Variants in MAGI3 observed in about 807,000 individuals in gnomAD.
MAGI3 encodes membrane-associated guanylate kinase, WW and PDZ domain-containing protein 3.
A neutral mutation model predicts 121.8 loss-of-function variants in MAGI3; 43 were observed. The observed-to-expected ratio is 0.35, with a 90% CI of 0.28 to 0.46. MAGI3 has a LOEUF of 0.46. Among genes scored for constraint, MAGI3 ranks in the 20% least tolerant of loss-of-function variants. The pLI, the probability that MAGI3 is intolerant of heterozygous loss-of-function variation, is 1.00. For synonymous variants in MAGI3, 553 were observed against 639.3 expected, an observed-to-expected ratio of 0.86 and a Z score of 2.04; for missense variants, 1,547 against 1,797.3, an observed-to-expected ratio of 0.86 and a Z score of 2.52.
chr1:113,618,976 G>T (rs1650655916), intron 7 of MAGI3, among the ~76,000 whole-genome samples: 1 of 152,206 alleles, frequency 6.6e-6, no homozygotes, highest in South Asian at 2.1e-4. Flanking sequence ...CTTGCCAGAA[G>T]AATAGTGCTC....
Position 113,683,067 on chromosome 1 carries a change from G to T in MAGI3, c.3499G>T (p.Val1167Leu). ...AAAGGCAGAAGAATTAAAGGACATTGTGCCTGAAAAGAAAAGCACTTTAAA... is the reference window on the plus strand; with the variant it reads ...AAAGGCAGAAGAATTAAAGGACATTTTGCCTGAAAAGAAAAGCACTTTAAA... ...CEKAEELKDI[V>L]PEKKSTLNEN... Residue 1167 changes from valine (V) to leucine (L), a missense_variant, in exon 21 of 21, where the codon GTG becomes TTG. Coordinates refer to ENST00000307546, the MANE Select transcript of MAGI3 (RefSeq NM_001142782.2). 2 of 1,613,336 alleles carry T rather than the reference G, an allele frequency of 1.2e-6. No individual in the cohort carries two copies. Among genetic ancestry groups the T allele is most frequent in the Non-Finnish European group, 1.7e-6 (2 of 1,179,752 alleles).
In MAGI3 at chr1:113,643,725, G is replaced by A; in HGVS notation, c.1967-18G>A. ...ATGCATCCTCTGGTTTTAAACTTTG[G>A]TTCATTTTTTTTTTAAGGTCCTCCT... On this transcript the variant is annotated intron_variant, in intron 10 of 20. Transcript: ENST00000307546. 2 of 1,612,722 alleles carry A rather than the reference G, an allele frequency of 1.2e-6. No homozygotes were observed. Among genetic ancestry groups the A allele is most frequent in the Non-Finnish European group, 1.7e-6 (2 of 1,178,880 alleles).
intron 1 of MAGI3, among the ~76,000 whole-genome samples, chr1:113,412,422 G>A (rs1052182475): frequency 1.4e-4 from 22 of 152,092 alleles, no homozygotes; most frequent in African/African-American, 5.3e-4. Context: ...GGTAATTCTA[G>A]TTCTAGATCC....
chr1:113,573,645 G>A (rs548464313), intron 2 of MAGI3, among the ~76,000 whole-genome samples: 1 of 152,288 alleles, frequency 6.6e-6, no homozygotes, highest in Non-Finnish European at 1.5e-5. Flanking sequence ...TAAGTGTGAT[G>A]TGCTGAGAAG....
At chr1:113,602,073 G>A (rs902023110) in intron 6 of MAGI3, among the ~76,000 whole-genome samples, 29 of 139,294 alleles carry the variant, frequency 2.1e-4, no homozygotes, top group African/African-American at 7.7e-4. Flanking sequence ...GGACTGCTGT[G>A]GGGTGGGGGG....
intron 1 of MAGI3, among the ~76,000 whole-genome samples, chr1:113,460,348 T>G (rs1229537770): frequency 6.6e-6 from 1 of 152,160 alleles, no homozygotes; most frequent in Non-Finnish European, 1.5e-5. Context: ...AACATTACCC[T>G]TGAAAACCGG....
intron 1 of MAGI3, among the ~76,000 whole-genome samples, chr1:113,447,052 A>G (rs1175307567): frequency 6.6e-6 from 1 of 152,208 alleles, no homozygotes; most frequent in Non-Finnish European, 1.5e-5. Flanking sequence ...ATTTTGGTGT[A>G]ATAAAAATGT....
chr1:113,623,443 T>TACACACATACAC (rs1553208626), intron 9 of MAGI3, among the ~76,000 whole-genome samples: 3 of 62,996 alleles, frequency 4.8e-5, no homozygotes, highest in Non-Finnish European at 9.7e-5. Flanking sequence ...CACATATATA[T>TACACACATACAC]ACACACACAT....
intron 1 of MAGI3, among the ~76,000 whole-genome samples, chr1:113,428,993 G>C (rs1653160544): frequency 6.6e-6 from 1 of 152,130 alleles, no homozygotes; most frequent in Admixed American, 6.5e-5. Flanking sequence ...CATGTGTCTT[G>C]TGGCTCTTAT....
At chr1:113,479,970 AT>A in intron 1 of MAGI3, among the ~76,000 whole-genome samples, 1 of 149,532 alleles carries the variant, frequency 6.7e-6, no homozygotes, top group Admixed American at 6.6e-5. Flanking sequence ...TTCTTTTTTG[AT>A]TTTTTTTATT....
chr1:113,449,977 A>G lies in MAGI3; in HGVS notation c.316+58628A>G, dbSNP rs534659503. On this transcript the variant is annotated intron_variant, in intron 1 of 20. Transcript: ENST00000307546. ...CCAAAGACAGCTGTTTCTAGAGAGG[A>G]TTCTGTAAAGCCTGGTGCCCATCTA... 3 of 1,564,396 alleles carry G rather than the reference A, an allele frequency of 1.9e-6. No individual in the cohort carries two copies. The Admixed American group carries it at 5.0e-5, about 26-fold the overall frequency.
intron 3 of MAGI3, 130 bp downstream of exon 3, chr1:113,580,791 T>A (rs746140716): frequency 4.7e-5 from 36 of 764,336 alleles, no homozygotes; most frequent in Non-Finnish European, 6.2e-5. Context: ...TTGAGAAAAT[T>A]TTCTTTTGAT....
chr1:113,442,700 C>T (rs1653979304), intron 1 of MAGI3, among the ~76,000 whole-genome samples: 1 of 151,592 alleles, frequency 6.6e-6, no homozygotes, highest in Non-Finnish European at 1.5e-5. Context: ...ATATAAAACT[C>T]CTGGGCTCAA....
At chr1:113,484,977 C>T (rs183268258) in intron 1 of MAGI3, among the ~76,000 whole-genome samples, 6 of 151,512 alleles carry the variant, frequency 4.0e-5, no homozygotes, top group South Asian at 2.1e-4. Context: ...TGTGATCTGC[C>T]GGCTTTGGCC....
At chr1:113,406,264 A>G (rs987426016) in intron 1 of MAGI3, among the ~76,000 whole-genome samples, 7 of 145,548 alleles carry the variant, frequency 4.8e-5, no homozygotes, top group African/African-American at 1.5e-4. Flanking sequence ...ACACAGTGAG[A>G]CCTTTTGTCT....
intron 1 of MAGI3, among the ~76,000 whole-genome samples, chr1:113,416,632 A>G (rs921414698): frequency 1.3e-5 from 2 of 150,012 alleles, no homozygotes; most frequent in Non-Finnish European, 3.0e-5. Context: ...TGAGGAAGAG[A>G]TATCAGGTAT....
At chr1:113,629,757 T>TCTCTCCCCCTCTCC (rs1651490311) in intron 9 of MAGI3, among the ~76,000 whole-genome samples, 1 of 95,694 alleles carries the variant, frequency 1.0e-5, no homozygotes, top group African/African-American at 4.2e-5. Flanking sequence ...TCTCTCTCTC[T>TCTCTCCCCCTCTCC]CTCTCCCTCC....
chr1:113,507,286 A>G (rs1657380484), intron 1 of MAGI3, among the ~76,000 whole-genome samples: 2 of 152,194 alleles, frequency 1.3e-5, no homozygotes, highest in Non-Finnish European at 2.9e-5. Flanking sequence ...GTGGCATTAG[A>G]TAAACTCAGC....
intron 7 of MAGI3, among the ~76,000 whole-genome samples, chr1:113,619,279 G>A (rs182047602): frequency 6.6e-6 from 1 of 152,212 alleles, no homozygotes; most frequent in African/African-American, 2.4e-5. Context: ...GTGAGTCAGT[G>A]GAAAAGTAAT....
Sources: allele counts gnomAD v4.1 joint callset (sites outside exome capture counted in the v4.1 genomes callset), GRCh38; gene constraint gnomAD v4.1.1; transcripts MANE v1.5; gene names NCBI Gene and HGNC (gene_info 2026-07-23, HGNC 2026-07-21).